Variants in SFTPC observed in about 807,000 individuals in gnomAD.
SFTPC encodes surfactant protein C, also known as BRICHOS domain containing 6.
Under a neutral mutation model 19.9 loss-of-function variants are expected in SFTPC, and 12 were observed. The observed-to-expected ratio is 0.60, with a 90% CI of 0.39 to 0.98. The LOEUF is 0.98. SFTPC is among the 50% of genes least tolerant of loss of function. SFTPC has a pLI of 0.00. For synonymous variants in SFTPC, 123 were observed against 103.3 expected (o/e 1.19, Z -1.16); for missense variants, 219 against 252.2 (o/e 0.87, Z 0.89).
Position 22,161,844 on chromosome 8 carries a change from A to C in SFTPC, c.16A>C (p.Lys6Gln). The part of the protein sequence containing the change: MDVGS[K>Q]EVLMESPPDY... ...CTGCAGCAAGATGGATGTGGGCAGC[A>C]AAGAGGTCCTGATGGAGAGCCCGCC... is the stretch of plus-strand genomic sequence containing the variant. The change falls in exon 1 of 6, where the codon AAA becomes CAA. Residue 6 changes from lysine to glutamine, a missense_variant. Lys to Gln is a moderately conservative substitution (Grantham distance 53, BLOSUM62 1). Coordinates refer to ENST00000679463, the MANE Select transcript of SFTPC (RefSeq NM_001317778.2). The C allele has an allele frequency of 6.2e-7, 1 of 1,614,100 alleles. No individual in the cohort carries two copies. The highest frequency in any genetic ancestry group is 8.5e-7 in the Non-Finnish European group (1 of 1,180,024).
At chr8:22,157,706 C>T (rs1827552338), upstream of SFTPC, 1 of 152,300 alleles carries the variant, frequency 6.6e-6, no homozygotes, top group South Asian at 2.1e-4. Context: ...ATTGTTAAGA[C>T]ATGATTTGCC....
intron 2 of SFTPC, 139 bp downstream of exon 2, chr8:22,162,871 C>T (rs927748794): frequency 2.2e-6 from 3 of 1,362,652 alleles, no homozygotes; most frequent in Non-Finnish European, 3.1e-6. Flanking sequence ...GAGGCACGAA[C>T]CAGGCAGCAA....
rs202194863 is a variant in SFTPC, at chr8:22,164,071, G to A, written c.*18+12G>A. 184 of 1,611,616 alleles carry A rather than the reference G, an allele frequency of 1.1e-4. No individual in the cohort carries two copies. The East Asian group carries it at 3.0e-3, about 26-fold the overall frequency. ...CCTCCGGTGAGCAGGTGTGATCCCA[G>A]GGCCCCTGATCAGCAGCGGAGGAGC... is the stretch of plus-strand genomic sequence containing the variant. On this transcript the variant is annotated intron_variant, in intron 5 of 5. Transcript: ENST00000679463.
At position 22,163,546 on chromosome 8, in the gene SFTPC, G is replaced by GGT. The variant is rs149538549; in HGVS notation, c.435+12_435+13dup. The GGT allele has an allele frequency of 2.9e-4, 452 of 1,569,128 alleles. No individual in the cohort carries two copies. Among genetic ancestry groups the GGT allele is most frequent in the Non-Finnish European group, 3.5e-4 (398 of 1,142,316 alleles). Reference sequence around the variant, plus strand: ...TCACTAGAAAAGTCCACAACTTCCAGGTGTGTGTGTGTGGGTGAAAAGAGT... The same window carrying GGT: ...TCACTAGAAAAGTCCACAACTTCCAGGTGTGTGTGTGTGTGGGTGAAAAGAGT... On this transcript the variant is annotated frameshift_variant and splice_region_variant. Transcript: ENST00000679463. LOFTEE classifies it high-confidence loss of function.
At chr8:22,158,977 G>A (rs1032501149), upstream of SFTPC, 1 of 152,250 alleles carries the variant, frequency 6.6e-6, no homozygotes, top group African/African-American at 2.4e-5. Context: ...AAGCGCCCAT[G>A]TAACTCATGG....
At chr8:22,159,866 C>G, upstream of SFTPC, 2 of 1,287,188 alleles carry the variant, frequency 1.6e-6, no homozygotes, top group Non-Finnish European at 2.0e-6. Context: ...GTGAGTCAGC[C>G]GATCAATCCC....
upstream of SFTPC, among the ~76,000 whole-genome samples, chr8:22,161,394 G>A (rs1016541331): frequency 6.6e-5 from 10 of 152,188 alleles, no homozygotes; most frequent in Non-Finnish European, 1.2e-4. Flanking sequence ...GCATCCCTAT[G>A]TATCTAGAAA....
At chr8:22,161,550 G>C (rs925273505), upstream of SFTPC, 12 of 767,254 alleles carry the variant, frequency 1.6e-5, no homozygotes, top group Admixed American at 3.1e-5. Context: ...GAGAAGTGCA[G>C]ATGGCCCGAG....
upstream of SFTPC, among the ~76,000 whole-genome samples, chr8:22,160,276 G>T (rs1827664633): frequency 6.6e-6 from 1 of 152,162 alleles, no homozygotes; most frequent in South Asian, 2.1e-4. Flanking sequence ...GCAGGGCCCA[G>T]GTGGGAGGGG....
chr8:22,160,852 G>T (rs909642495), upstream of SFTPC, among the ~76,000 whole-genome samples: 1 of 152,202 alleles, frequency 6.6e-6, no homozygotes, highest in African/African-American at 2.4e-5. Context: ...AAAAGAGAAG[G>T]AGACAGTCCT....
chr8:22,163,047 G>A (rs1255246570), intron 2 of SFTPC, 33 bp from the exon 3 acceptor site: 1 of 1,613,512 alleles, frequency 6.2e-7, no homozygotes, highest in East Asian at 2.2e-5. Context: ...GTAGGAAAGG[G>A]GAAGACCAGG....
At chr8:22,162,109 T>C (rs1827756813) in intron 1 of SFTPC, among the ~76,000 whole-genome samples, 2 of 152,082 alleles carry the variant, frequency 1.3e-5, no homozygotes, top group South Asian at 4.1e-4. Context: ...TAGACAGCCC[T>C]GAGTCAGAAG....
In SFTPC at chr8:22,161,847, GA is replaced by G; in HGVS notation, c.20del (p.Glu7GlyfsTer3). 6.2e-7 allele frequency: 1 copy of G among 1,614,134 alleles called. No individual in the cohort carries two copies. Among genetic ancestry groups the G allele is most frequent in the Non-Finnish European group, 8.5e-7 (1 of 1,180,022 alleles). On this transcript the variant is annotated frameshift_variant, in exon 1 of 6. Coordinates refer to ENST00000679463, the MANE Select transcript of SFTPC (RefSeq NM_001317778.2). LOFTEE classifies it high-confidence loss of function. Reference protein sequence around the residue: MDVGSKEVLMESPPDYS... With the variant: MDVGSKXVLMESPPDYS... ...CAGCAAGATGGATGTGGGCAGCAAA[GA>G]GGTCCTGATGGAGAGCCCGCCGGTG...
intron 2 of SFTPC, 146 bp downstream of exon 2, chr8:22,162,878 G>GCA: frequency 1.5e-6 from 2 of 1,346,016 alleles, no homozygotes; most frequent in Non-Finnish European, 2.1e-6. Context: ...GAACCAGGCA[G>GCA]CAACCCAGCT....
chr8:22,159,524 C>A, upstream of SFTPC: 2 of 361,784 alleles, frequency 5.5e-6, no homozygotes, highest in Non-Finnish European at 1.1e-5. Context: ...GAGGCAGGCA[C>A]CCTCCCTCAG....
rs747430307 is a variant in SFTPC at position 22,163,154 on chromosome 8, C to A, written c.276C>A (p.Ala92=). The change falls in exon 3 of 6, where the codon GCC becomes GCA. Residue 92 remains alanine (A), a synonymous_variant. Coordinates refer to ENST00000679463, the MANE Select transcript of SFTPC (RefSeq NM_001317778.2). ...LALSEHLVTT[A]TFSIGSTGLV... is the part of the protein sequence containing the mutation. ...TGAGTGAGCACCTGGTTACCACTGC[C>A]ACCTTCTCCATCGGCTCCACTGGCC... The A allele has an allele frequency of 2.0e-5, 32 of 1,614,062 alleles. No homozygotes were observed. Among genetic ancestry groups the A allele is most frequent in the Non-Finnish European group, 2.6e-5 (31 of 1,180,032 alleles).
upstream of SFTPC, among the ~76,000 whole-genome samples, chr8:22,160,028 C>G (rs1181317532): frequency 6.6e-6 from 1 of 152,230 alleles, no homozygotes; most frequent in East Asian, 1.9e-4. Context: ...CTCCCGGCAC[C>G]CCTCCCCTCC....
upstream of SFTPC, among the ~76,000 whole-genome samples, chr8:22,160,712 T>G (rs1474985276): frequency 6.6e-6 from 1 of 152,114 alleles, no homozygotes; most frequent in East Asian, 1.9e-4. Flanking sequence ...GTGAAGGGAC[T>G]TTAGAGACCA....
upstream of SFTPC, chr8:22,159,417 G>A (rs938629478): frequency 3.3e-6 from 1 of 298,704 alleles, no homozygotes; most frequent in South Asian, 2.7e-5. Context: ...GGGCTGGTAG[G>A]GGGAGGGGGA....
Sources: gnomAD v4.1 joint callset for allele counts (sites outside exome capture counted in the v4.1 genomes callset) on GRCh38, gnomAD v4.1.1 for gene constraint, MANE v1.5 for transcripts, NCBI Gene and HGNC (gene_info 2026-07-23, HGNC 2026-07-21) for gene names.